Variants in PTCD2 observed in about 807,000 individuals in gnomAD.
The protein encoded by PTCD2 is pentatricopeptide repeat domain 2.
Under a neutral mutation model 42.6 loss-of-function variants are expected in PTCD2, and 31 were observed. The ratio of observed to expected loss-of-function variants is 0.73; its 90% confidence interval spans 0.55 to 0.98. PTCD2 has a LOEUF of 0.98. PTCD2 is among the 50% of genes least tolerant of loss of function. The probability of loss-of-function intolerance (pLI) is 0.00; values close to 1 mark genes in which losing one functional copy is unlikely to be tolerated. For missense variants in PTCD2, 476 were observed against 454.8 expected (o/e 1.05, Z -0.42); for synonymous variants, 183 against 170.9 (o/e 1.07, Z -0.55).
Position 72,360,282 on chromosome 5 carries a change from C to T in PTCD2, c.*1855C>T. 1 of 152,110 alleles carries T rather than the reference C, an allele frequency of 6.6e-6. No homozygotes were observed. Among genetic ancestry groups the T allele is most frequent in the Admixed American group, 6.6e-5 (1 of 15,266 alleles). The allele number at this position is 152,110 out of a possible 1,614,324, so 9.4% of individuals were successfully genotyped here. Reference sequence around the variant, plus strand: ...GAATAATAGGGCATGCTTCCTGTCCCCCCAGCTTACTTTTCATCTTCTCCA... The same window carrying T: ...GAATAATAGGGCATGCTTCCTGTCCTCCCAGCTTACTTTTCATCTTCTCCA... On this transcript the variant is annotated 3_prime_UTR_variant, in exon 10 of 10. Coordinates refer to ENST00000380639, the MANE Select transcript of PTCD2 (RefSeq NM_024754.5).
chr5:72,352,613 G>C, intron 8 of PTCD2, 28 bp from the exon 9 acceptor site: 1 of 1,177,396 alleles, frequency 8.5e-7, no homozygotes, highest in South Asian at 1.3e-5. Context: ...CTCAGTCTTG[G>C]TTTTGCTTGT....
intron 3 of PTCD2, among the ~76,000 whole-genome samples, chr5:72,330,082 G>A (rs1208840606): frequency 6.0e-5 from 9 of 150,896 alleles, no homozygotes; most frequent in East Asian, 5.8e-4. Flanking sequence ...ACAGGCGCCC[G>A]CCACCACGCC....
chr5:72,323,690 C>G (rs1750984710), intron 2 of PTCD2, among the ~76,000 whole-genome samples: 1 of 152,208 alleles, frequency 6.6e-6, no homozygotes, highest in Non-Finnish European at 1.5e-5. Flanking sequence ...CGCTCTGTCA[C>G]CTAGGCTGGA....
Position 72,335,811 on chromosome 5 carries a change from A to G in PTCD2, c.565A>G (p.Ile189Val). 2 of 1,613,592 alleles carry G rather than the reference A, an allele frequency of 1.2e-6. No homozygotes were observed. The highest frequency in any genetic ancestry group is 1.7e-6 in the Non-Finnish European group (2 of 1,179,506). ...GKYKSALQVLIEMKNQDVKFT... is the reference protein window; with the variant it reads ...GKYKSALQVLVEMKNQDVKFT... The stretch of plus-strand genomic sequence containing the variant: ...TTTGGCAGGTGCTTTGCAAGTATTG[A>G]TAGAGATGAAAAACCAAGATGTGAA... Residue 189 changes from isoleucine (I) to valine (V), a missense_variant, in exon 6 of 10, where the codon ATA becomes GTA. Physicochemically the swap from Ile to Val is conservative, Grantham distance 29 (BLOSUM62 3). Transcript: ENST00000380639.
chr5:72,346,222 C>G (rs1038797084), intron 8 of PTCD2, among the ~76,000 whole-genome samples: 7 of 152,106 alleles, frequency 4.6e-5, no homozygotes, highest in African/African-American at 1.7e-4. Flanking sequence ...AAACAAAATA[C>G]TAGAAAAATA....
rs190043535 is a variant in PTCD2, at chr5:72,360,308, A to G, written c.*1881A>G. On this transcript the variant is annotated 3_prime_UTR_variant, in exon 10 of 10. Coordinates refer to ENST00000380639, the MANE Select transcript of PTCD2 (RefSeq NM_024754.5). The stretch of plus-strand genomic sequence containing the variant: ...CCCAGCTTACTTTTCATCTTCTCCA[A>G]CTCTCACAGTTCAAATGGCTCCAGT... 1.4e-4 allele frequency: 21 copies of G among 151,956 alleles called. No homozygotes were observed. Among genetic ancestry groups the G allele is most frequent in the African/African-American group, 4.3e-4 (18 of 41,418 alleles). 9.4% of individuals were successfully genotyped at this position (151,956 alleles called of 1,614,324 possible). A position where few individuals can be genotyped will look rare whatever the true frequency, so the allele number is the denominator to read the frequency against.
chr5:72,352,904 T>C (rs1254066086), intron 9 of PTCD2, 150 bp downstream of exon 9: 8 of 550,316 alleles, frequency 1.5e-5, no homozygotes, highest in African/African-American at 9.8e-5. Context: ...TCCATGTATA[T>C]GTGCAAAGAT....
chr5:72,363,046 G>A lies in PTCD2; in HGVS notation c.*4619G>A, dbSNP rs1753127619. Reference sequence around the variant, plus strand: ...GGATTTACCTGCTACAATTTGGGTAGGCAAAAATGTAGGCTTCTCTGTTTC... The same window carrying A: ...GGATTTACCTGCTACAATTTGGGTAAGCAAAAATGTAGGCTTCTCTGTTTC... On this transcript the variant is annotated 3_prime_UTR_variant, in exon 10 of 10. Transcript: ENST00000380639. 1 of 152,086 alleles carries A rather than the reference G, an allele frequency of 6.6e-6. No homozygotes were observed. Among genetic ancestry groups the A allele is most frequent in the Admixed American group, 6.5e-5 (1 of 15,276 alleles). 9.4% of individuals were successfully genotyped at this position (152,086 alleles called of 1,614,324 possible).
intron 8 of PTCD2, among the ~76,000 whole-genome samples, chr5:72,348,650 G>A (rs938608248): frequency 6.6e-6 from 1 of 152,176 alleles, no homozygotes; most frequent in African/African-American, 2.4e-5. Context: ...TCACATCAAA[G>A]AATTAATTTC....
intron 9 of PTCD2, 129 bp from the exon 10 acceptor site, chr5:72,358,074 A>T: frequency 1.2e-6 from 1 of 816,194 alleles, no homozygotes; most frequent in Non-Finnish European, 2.0e-6. Flanking sequence ...TGCTTAGATT[A>T]AAGCATGGGC....
rs1418302265 is a variant in PTCD2 at position 72,342,952 on chromosome 5, T to C, written c.754-10T>C. The C allele has an allele frequency of 1.3e-5, 20 of 1,561,526 alleles. No homozygotes were observed. Among genetic ancestry groups the C allele is most frequent in the Non-Finnish European group, 1.8e-5 (20 of 1,141,124 alleles). Reference sequence around the variant, plus strand: ...TGATATGGAATATGATTTGTTTCTCTTCCTTCTAGAATGAGATGGCAAAAG... The same window carrying C: ...TGATATGGAATATGATTTGTTTCTCCTCCTTCTAGAATGAGATGGCAAAAG... On this transcript the variant is annotated splice_polypyrimidine_tract_variant and intron_variant, in intron 7 of 9. Transcript: ENST00000380639.
At position 72,352,711 on chromosome 5, in the gene PTCD2, A is replaced by G. The variant is rs751080563; in HGVS notation, c.899A>G (p.Asn300Ser). 6 of 1,603,802 alleles carry G rather than the reference A, an allele frequency of 3.7e-6. No individual in the cohort carries two copies. In the East Asian group the frequency reaches 1.3e-4, roughly 36 times the overall value. Residue 300 changes from asparagine (N) to serine (S), a missense_variant, in exon 9 of 10, where the codon AAT (asparagine) becomes AGT (serine). By Grantham distance (46) the Asn-to-Ser change is conservative (BLOSUM62 1). Coordinates refer to ENST00000380639, the MANE Select transcript of PTCD2 (RefSeq NM_024754.5). ...IKTLKNAAEGNLSKFVKRHVF... is the reference protein window; with the variant it reads ...IKTLKNAAEGSLSKFVKRHVF... ...ACTCTAAAAAATGCTGCAGAAGGAAATTTATCAAAATTTGTGAAAAGACAT... is the reference window on the plus strand; with the variant it reads ...ACTCTAAAAAATGCTGCAGAAGGAAGTTTATCAAAATTTGTGAAAAGACAT...
In PTCD2 at chr5:72,338,646, TG is replaced by T; in HGVS notation, c.665del (p.Cys222LeufsTer4). 6.2e-7 allele frequency: 1 copy of T among 1,607,868 alleles called. No homozygotes were observed. The highest frequency in any genetic ancestry group is 8.5e-7 in the Non-Finnish European group (1 of 1,175,050). ...KLNSPESFKI[C>X]TTLREEALLK... ...GAATAGCCCTGAGTCTTTCAAAATC[TG>T]TACTACATTAAGAGAAGAAGCTCTA... is the stretch of plus-strand genomic sequence containing the variant. On this transcript the variant is annotated frameshift_variant, in exon 7 of 10. Transcript: ENST00000380639. LOFTEE classifies it high-confidence loss of function.
intron 6 of PTCD2, 82 bp from the exon 7 acceptor site, chr5:72,338,540 A>T (rs1580163712): frequency 6.8e-6 from 4 of 587,998 alleles, no homozygotes; most frequent in Non-Finnish European, 1.1e-5. Context: ...TACAAAAGGA[A>T]CTATAAATAC....
rs560172136 is a variant in PTCD2, at chr5:72,358,230, G to C, written c.970G>C (p.Asp324His). 16 of 1,614,058 alleles carry C rather than the reference G, an allele frequency of 9.9e-6. No individual in the cohort carries two copies. Among genetic ancestry groups the C allele is most frequent in the African/African-American group, 8.0e-5 (6 of 75,038 alleles). Reference protein sequence around the residue: ...VLAKVREKVKDVPALVAKFDE... With the variant: ...VLAKVREKVKHVPALVAKFDE... ...GGCCAAAGTGAGGGAAAAAGTGAAG[G>C]ATGTGCCTGCCCTTGTGGCCAAATT... is the stretch of plus-strand genomic sequence containing the variant. The change falls in exon 10 of 10, where the codon GAT (aspartate) becomes CAT (histidine). Residue 324 changes from aspartate (D) to histidine (H), a missense_variant. Transcript: ENST00000380639.
chr5:72,343,139 G>A, intron 8 of PTCD2, 103 bp downstream of exon 8: 2 of 481,390 alleles, frequency 4.2e-6, no homozygotes, highest in Non-Finnish European at 6.8e-6. Context: ...ACAATGACTT[G>A]CTCTCCCAAG....
At chr5:72,343,872 A>G (rs774914118) in intron 8 of PTCD2, among the ~76,000 whole-genome samples, 2 of 152,188 alleles carry the variant, frequency 1.3e-5, no homozygotes, top group African/African-American at 4.8e-5. Context: ...CTCCTTGTAT[A>G]CTGTGTCTAC....
At chr5:72,325,318 T>C (rs539217288) in intron 2 of PTCD2, among the ~76,000 whole-genome samples, 4 of 152,350 alleles carry the variant, frequency 2.6e-5, no homozygotes, top group African/African-American at 4.8e-5. Context: ...CTTAGAAATA[T>C]TTAATAGACT....
At chr5:72,331,548 G>C (rs1157781514) in intron 4 of PTCD2, among the ~76,000 whole-genome samples, 173 bp downstream of exon 4, 3 of 152,170 alleles carry the variant, frequency 2.0e-5, no homozygotes, top group Non-Finnish European at 2.9e-5. Context: ...TTGTGTGAAG[G>C]GGGGTGGAGT....
Sources: gnomAD v4.1 joint callset for allele counts (sites outside exome capture counted in the v4.1 genomes callset) on GRCh38, gnomAD v4.1.1 for gene constraint, MANE v1.5 for transcripts, NCBI Gene and HGNC (gene_info 2026-07-23, HGNC 2026-07-21) for gene names.